SOX5: variants seen among roughly 807,000 people sequenced by gnomAD.
SOX5 encodes the protein transcription factor SOX-5.
SOX5 carries 9 observed loss-of-function variants against 92.0 expected under a neutral mutation model. The observed-to-expected ratio is 0.10, with a 90% CI of 0.06 to 0.17. SOX5 has a LOEUF of 0.17. SOX5 is among the 10% of genes least tolerant of loss of function. SOX5 has a pLI of 1.00. For missense variants in SOX5, 642 were observed against 944.5 expected, an observed-to-expected ratio of 0.68 and a Z score of 4.20; for synonymous variants, 344 against 336.3, an observed-to-expected ratio of 1.02 and a Z score of -0.25.
chr12:24,506,854 G>T (rs1472632247), intron 1 of SOX5, among the ~76,000 whole-genome samples: 2 of 139,014 alleles, frequency 1.4e-5, no homozygotes, highest in Non-Finnish European at 3.0e-5. Context: ...GCAGTGGCGC[G>T]ATCTCGGCTC....
intron 3 of SOX5, among the ~76,000 whole-genome samples, chr12:23,806,974 T>C (rs534644343): frequency 8.5e-5 from 13 of 152,232 alleles, no homozygotes; most frequent in Non-Finnish European, 1.5e-4. Context: ...TCTAACCTTT[T>C]CTCCACTTTC....
chr12:24,391,490 G>T (rs1345439034), intron 1 of SOX5, among the ~76,000 whole-genome samples: 1 of 152,102 alleles, frequency 6.6e-6, no homozygotes. Flanking sequence ...ATAACCCAAT[G>T]AATAAAAACG....
chr12:24,006,984 T>C (rs1027036282), intron 4 of SOX5, among the ~76,000 whole-genome samples: 1 of 150,702 alleles, frequency 6.6e-6, no homozygotes, highest in Non-Finnish European at 1.5e-5. Flanking sequence ...AACACAAAAA[T>C]TGGCCGGGCA....
intron 7 of SOX5, among the ~76,000 whole-genome samples, chr12:23,664,852 A>T (rs1593084035): frequency 6.6e-6 from 1 of 152,208 alleles, no homozygotes; most frequent in African/African-American, 2.4e-5. Flanking sequence ...GAAAGTTTAC[A>T]AATAAAAAGA....
chr12:24,430,103 C>A (rs981684724), intron 1 of SOX5, among the ~76,000 whole-genome samples: 5 of 151,994 alleles, frequency 3.3e-5, no homozygotes, highest in African/African-American at 4.8e-5. Context: ...AAGCACATAC[C>A]AATAGTCTAT....
chr12:24,020,321 A>G (rs961605521), intron 4 of SOX5, among the ~76,000 whole-genome samples: 31 of 152,206 alleles, frequency 2.0e-4, no homozygotes, highest in Non-Finnish European at 7.3e-5. Flanking sequence ...GGTTACTAAC[A>G]CAAACCTGGG....
At chr12:24,235,025 G>C (rs1964170207) in intron 3 of SOX5, among the ~76,000 whole-genome samples, 1 of 152,146 alleles carries the variant, frequency 6.6e-6, no homozygotes, top group Admixed American at 6.5e-5. Flanking sequence ...CAATAAACTG[G>C]ATCAGTCTAT....
At chr12:23,875,924 G>C (rs1056041636) in intron 2 of SOX5, among the ~76,000 whole-genome samples, 3 of 152,130 alleles carry the variant, frequency 2.0e-5, no homozygotes, top group African/African-American at 4.8e-5. Context: ...GCCTCTATTG[G>C]AAATACTGTA....
chr12:23,584,595 C>T, intron 9 of SOX5: 6 of 1,608,388 alleles, frequency 3.7e-6, no homozygotes, highest in Non-Finnish European at 5.1e-6. Flanking sequence ...CTGGTGAACC[C>T]ACTATAACTG....
chr12:23,676,633 T>C (rs1377255081), intron 6 of SOX5, among the ~76,000 whole-genome samples: 1 of 152,188 alleles, frequency 6.6e-6, no homozygotes, highest in African/African-American at 2.4e-5. Context: ...AGTTTCAATG[T>C]GGAATCCACG....
chr12:24,401,197 C>T (rs1961465719), intron 1 of SOX5, among the ~76,000 whole-genome samples: 1 of 151,696 alleles, frequency 6.6e-6, no homozygotes, highest in African/African-American at 2.4e-5. Context: ...AATATGAATA[C>T]AAAAATTAGC....
intron 4 of SOX5, among the ~76,000 whole-genome samples, chr12:23,965,315 G>A (rs181416208): frequency 3.5e-4 from 53 of 152,252 alleles, no homozygotes; most frequent in African/African-American, 3.1e-4. Context: ...CCTGCACTAC[G>A]TTTGAGGCGA....
chr12:24,224,176 C>A (rs1180871785), intron 3 of SOX5, among the ~76,000 whole-genome samples: 2 of 152,146 alleles, frequency 1.3e-5, no homozygotes, highest in Non-Finnish European at 2.9e-5. Context: ...ACAGTGCCTG[C>A]AAGATCATCT....
chr12:23,906,918 T>C (rs2097299529), intron 1 of SOX5, among the ~76,000 whole-genome samples: 2 of 150,762 alleles, frequency 1.3e-5, no homozygotes. Context: ...AAATTTTAGG[T>C]TATAGACAGC....
rs534108460 is a variant in SOX5, at chr12:23,636,605, T to C, written c.1017+4207A>G. Among the ~76,000 whole-genome samples, 8 of 152,268 alleles carry C rather than the reference T, an allele frequency of 5.3e-5. 1 individual carries two copies. Among genetic ancestry groups the C allele is most frequent in the Middle Eastern group, 3.4e-3 (1 of 294 alleles). ...AATGTCCTTTATTTAATCTAGGTGT[T>C]CAAAAAGAAGTACCTGAATTAACAT... On this transcript the variant is annotated intron_variant, in intron 8 of 14. Transcript: ENST00000451604.
At chr12:24,113,443 A>G (rs1947613056) in intron 4 of SOX5, among the ~76,000 whole-genome samples, 1 of 151,986 alleles carries the variant, frequency 6.6e-6, no homozygotes, top group Non-Finnish European at 1.5e-5. Context: ...ATGTATATTG[A>G]AGTTTACAAA....
intron 1 of SOX5, among the ~76,000 whole-genome samples, chr12:24,376,392 C>G (rs1352903367): frequency 1.3e-5 from 2 of 152,146 alleles, no homozygotes; most frequent in Non-Finnish European, 2.9e-5. Context: ...TTGACACAAC[C>G]TCTAAAGTTC....
At chr12:23,755,382 G>C (rs1567501531) in intron 4 of SOX5, among the ~76,000 whole-genome samples, 2 of 151,634 alleles carry the variant, frequency 1.3e-5, no homozygotes, top group Non-Finnish European at 2.9e-5. Context: ...TTTTAATGAT[G>C]AAAATCAGAG....
chr12:24,266,085 T>TGTGTGTGTG (rs1942980873), intron 3 of SOX5, among the ~76,000 whole-genome samples: 1 of 132,480 alleles, frequency 7.5e-6, no homozygotes, highest in African/African-American at 2.8e-5. Context: ...TGTGTGTGTG[T>TGTGTGTGTG]TTTATTTTGG....
Sources: allele counts gnomAD v4.1 joint callset (sites outside exome capture counted in the v4.1 genomes callset), GRCh38; gene constraint gnomAD v4.1.1; transcripts MANE v1.5; gene names NCBI Gene and HGNC (gene_info 2026-07-23, HGNC 2026-07-21).